KDM2B: variants seen among roughly 807,000 people sequenced by gnomAD.
The protein encoded by KDM2B is lysine demethylase 2B.
In KDM2B, 26 loss-of-function variants were observed where a neutral mutation model predicts 150.0. The ratio of observed to expected loss-of-function variants is 0.17; its 90% CI spans 0.13 to 0.24. KDM2B has a LOEUF of 0.24. Ranked by LOEUF, KDM2B falls within the 10% of genes least tolerant of loss-of-function variation. KDM2B has a pLI of 1.00. For missense variants in KDM2B, 1,265 were observed against 1,816.9 expected, an observed-to-expected ratio of 0.70 and a Z score of 5.52; for synonymous variants, 734 against 729.5, an observed-to-expected ratio of 1.01 and a Z score of -0.10.
chr12:121,500,590 G>A (rs1264247858), intron 11 of KDM2B, among the ~76,000 whole-genome samples: 3 of 152,338 alleles, frequency 2.0e-5, no homozygotes, highest in Non-Finnish European at 4.4e-5. Context: ...AACAAGGCAG[G>A]CATCAGGGAA....
intron 8 of KDM2B, among the ~76,000 whole-genome samples, chr12:121,528,780 C>T (rs970814161): frequency 6.6e-6 from 1 of 152,136 alleles, no homozygotes; most frequent in Non-Finnish European, 1.5e-5. Context: ...GTAATCCCAG[C>T]TACTTGGGAG....
the KDM2B span, among the ~76,000 whole-genome samples, chr12:121,410,547 A>C: frequency 1.3e-4 from 4 of 31,360 alleles, no homozygotes; most frequent in Non-Finnish European, 2.4e-4. Context: ...AAAACCACCA[A>C]AAAAAAAAAA....
rs1555311666 is a variant in KDM2B, at chr12:121,550,668, AT to A, written c.398-1031del. ...GCTACCACACCTTGCTAAGTTTTAT[AT>A]TTTTAGTAGAGATGGGGTTTCGCCA... On this transcript the variant is annotated intron_variant, in intron 4 of 22. Transcript: ENST00000377071. 9.2e-5 allele frequency among the ~76,000 whole-genome samples: 14 copies of A among 152,072 alleles called. No individual in the cohort carries two copies. The South Asian group carries it at 2.9e-3, about 32-fold the overall frequency.
intron 12 of KDM2B, chr12:121,469,948 T>C (rs782189168): frequency 8.6e-5 from 13 of 151,852 alleles, no homozygotes; most frequent in Non-Finnish European, 1.3e-4. Flanking sequence ...AATACAAAAA[T>C]TAACAGGTCA....
At chr12:121,465,784 C>A (rs1301731639) in intron 12 of KDM2B, among the ~76,000 whole-genome samples, 1 of 152,118 alleles carries the variant, frequency 6.6e-6, no homozygotes, top group Non-Finnish European at 1.5e-5. Context: ...TGACCAAATG[C>A]CCCAGAAATG....
chr12:121,474,507 C>T lies in KDM2B; in HGVS notation c.1734+20072G>A, dbSNP rs376088869. ...CTACAGCCTGGGCAACAGAGCAAGA[C>T]TCCATCTCAAAAAAATAAAAATTTA... is the stretch of plus-strand genomic sequence containing the variant. On this transcript the variant is annotated intron_variant, in intron 12 of 22. Coordinates refer to ENST00000377071, the MANE Select transcript of KDM2B (RefSeq NM_032590.5). 2.6e-5 allele frequency among the ~76,000 whole-genome samples: 4 copies of T among 152,220 alleles called. No homozygotes were observed. The East Asian group carries it at 5.8e-4, about 22-fold the overall frequency.
Position 121,537,634 on chromosome 12 carries a change from G to A in KDM2B, c.684-3044C>T, listed in dbSNP as rs1343205009. ...TGCCTGGGGGCTGCGGAGGCGGGGC[G>A]GCCCCGCCCCACCTTTTTCCCTCCA... On this transcript the variant is annotated intron_variant, in intron 6 of 22. Coordinates refer to ENST00000377071, the MANE Select transcript of KDM2B (RefSeq NM_032590.5). The surrounding 1 kb of genome is among the most constrained non-coding windows in gnomAD (Gnocchi z 8.7). The A allele has an allele frequency of 6.6e-6, 1 of 151,942 alleles. No individual in the cohort carries two copies. Among genetic ancestry groups the A allele is most frequent in the Non-Finnish European group, 1.5e-5 (1 of 67,962 alleles). The allele number at this position is 151,942 out of a possible 1,614,324, so 9.4% of individuals were successfully genotyped here.
In KDM2B at chr12:121,518,249, A is replaced by G. The variant is rs559474463; in HGVS notation, c.1047+2736T>C. 2.0e-5 allele frequency among the ~76,000 whole-genome samples: 3 copies of G among 152,346 alleles called. No homozygotes were observed. In the South Asian group the frequency reaches 6.2e-4, roughly 32 times the overall value. On this transcript the variant is annotated intron_variant, in intron 9 of 22. Transcript: ENST00000377071. The surrounding 1 kb of genome is among the most constrained non-coding windows in gnomAD (Gnocchi z 4.4). The stretch of plus-strand genomic sequence containing the variant: ...TTCTTAAGAAAGCTCTCAGGGCTGT[A>G]AAGAATGAAGCTGTAGTGAGCTAAC...
chr12:121,434,202 G>A (rs936205017), intron 22 of KDM2B, among the ~76,000 whole-genome samples: 14 of 151,738 alleles, frequency 9.2e-5, no homozygotes, highest in African/African-American at 3.1e-4. Context: ...AATAAAGCAC[G>A]TTACAGGCAT....
intron 4 of KDM2B, among the ~76,000 whole-genome samples, chr12:121,553,254 C>A (rs578240744): frequency 1.3e-5 from 2 of 151,548 alleles, no homozygotes; most frequent in Admixed American, 1.3e-4. Context: ...AAAGAAAGAA[C>A]CCCGGTACCC....
Position 121,520,819 on chromosome 12 carries a change from GC to G in KDM2B, c.1047+165del, listed in dbSNP as rs372036393. 7.9e-3 allele frequency among the ~76,000 whole-genome samples: 1,188 copies of G among 150,418 alleles called. 11 individuals are homozygous for G. The highest frequency in any genetic ancestry group is 0.028 in the African/African-American group (1,141 of 41,024). ...GTGTGGCTCCTACAGGCATTCCCCT[GC>G]CCCCCCTCCCCCGCCACAGAACCAG... On this transcript the variant is annotated intron_variant, in intron 9 of 22. Coordinates refer to ENST00000377071, the MANE Select transcript of KDM2B (RefSeq NM_032590.5). The surrounding 1 kb of genome is among the most constrained non-coding windows in gnomAD (Gnocchi z 4.5).
chr12:121,446,576 T>A (rs533687288), intron 13 of KDM2B, among the ~76,000 whole-genome samples: 1 of 151,726 alleles, frequency 6.6e-6, no homozygotes, highest in Non-Finnish European at 1.5e-5. Context: ...GTGACTGAGC[T>A]GGGAGGTGAA....
intron 8 of KDM2B, among the ~76,000 whole-genome samples, chr12:121,532,584 T>G (rs1219078285): frequency 6.6e-6 from 1 of 152,186 alleles, no homozygotes; most frequent in Non-Finnish European, 1.5e-5. Context: ...GCCCAAGGCC[T>G]TCTCCAAGGG....
chr12:121,520,326 C>T lies in KDM2B; in HGVS notation c.1047+659G>A, dbSNP rs1555305649. Among the ~76,000 whole-genome samples, 1 of 152,140 alleles carries T rather than the reference C, an allele frequency of 6.6e-6. No individual in the cohort carries two copies. The highest frequency in any genetic ancestry group is 1.5e-5 in the Non-Finnish European group (1 of 68,026). Reference sequence around the variant, plus strand: ...CAGGGGACACTTGTGGAGCGAAGGACACACATCAGTTACCTAAGCCTCCGC... The same window carrying T: ...CAGGGGACACTTGTGGAGCGAAGGATACACATCAGTTACCTAAGCCTCCGC... On this transcript the variant is annotated intron_variant, in intron 9 of 22. Coordinates refer to ENST00000377071, the MANE Select transcript of KDM2B (RefSeq NM_032590.5). The surrounding 1 kb of genome is among the most constrained non-coding windows in gnomAD (Gnocchi z 4.5).
intron 11 of KDM2B, among the ~76,000 whole-genome samples, chr12:121,505,011 G>C (rs1255989828): frequency 5.3e-5 from 8 of 151,862 alleles, no homozygotes; most frequent in African/African-American, 9.7e-5. Context: ...CAGCTACTCA[G>C]GAGGCTGAGG....
intron 4 of KDM2B, among the ~76,000 whole-genome samples, chr12:121,557,791 C>T (rs1566415777): frequency 6.6e-6 from 1 of 152,182 alleles, no homozygotes; most frequent in Non-Finnish European, 1.5e-5. Flanking sequence ...TTTTAAGCCA[C>T]TCACTTTGTG....
At chr12:121,547,676 G>A (rs1555310962) in intron 6 of KDM2B, among the ~76,000 whole-genome samples, 1 of 130,504 alleles carries the variant, frequency 7.7e-6, no homozygotes, top group Non-Finnish European at 1.6e-5. Flanking sequence ...TTGAGACAGA[G>A]TCTCGCTCTG....
intron 6 of KDM2B, among the ~76,000 whole-genome samples, chr12:121,541,549 A>C (rs1159053151): frequency 1.3e-5 from 2 of 151,960 alleles, no homozygotes; most frequent in Non-Finnish European, 2.9e-5. Context: ...CAGAAGCCCC[A>C]AAATGTACAC....
chr12:121,540,266 G>C (rs1888501527), intron 6 of KDM2B, among the ~76,000 whole-genome samples: 1 of 152,124 alleles, frequency 6.6e-6, no homozygotes, highest in South Asian at 2.1e-4. Flanking sequence ...AAAGGCCTGG[G>C]GTCTAGTGCA....
Sources: gnomAD v4.1 joint callset for allele counts (sites outside exome capture counted in the v4.1 genomes callset) on GRCh38, gnomAD v4.1.1 for gene constraint, Gnocchi (gnomAD v3.1) non-coding constraint, MANE v1.5 for transcripts, NCBI Gene and HGNC (gene_info 2026-07-23, HGNC 2026-07-21) for gene names.